Variants in KLHL32 observed in about 807,000 individuals in gnomAD.
The protein encoded by KLHL32 is kelch-like protein 32.
KLHL32 carries 35 observed loss-of-function variants against 64.8 expected under a neutral mutation model. The observed-to-expected ratio is 0.54, with a 90% confidence interval of 0.41 to 0.72. The LOEUF (loss-of-function observed/expected upper bound fraction) is 0.72, where lower values mean the gene tolerates loss of function less well. Ranked by LOEUF, KLHL32 falls within the 30% of genes least tolerant of loss-of-function variation. KLHL32 has a pLI of 0.00. For missense variants in KLHL32, 589 were observed against 768.5 expected, an observed-to-expected ratio of 0.77 and a Z score of 2.76; for synonymous variants, 259 against 281.0, an observed-to-expected ratio of 0.92 and a Z score of 0.78.
At chr6:96,989,643 C>G (rs1179638516) in intron 3 of KLHL32, among the ~76,000 whole-genome samples, 2 of 152,124 alleles carry the variant, frequency 1.3e-5, no homozygotes, top group Non-Finnish European at 2.9e-5. Flanking sequence ...TGAATGTTCA[C>G]CTCTCTAATG....
chr6:97,002,772 A>G (rs990178303), intron 3 of KLHL32, among the ~76,000 whole-genome samples: 1 of 152,200 alleles, frequency 6.6e-6, no homozygotes, highest in Non-Finnish European at 1.5e-5. Context: ...AGTGACCTCC[A>G]GCTCCATCCA....
intron 3 of KLHL32, among the ~76,000 whole-genome samples, chr6:96,983,983 T>G (rs111261091): frequency 0.011 from 1,688 of 152,292 alleles, 41 homozygotes; most frequent in African/African-American, 0.039. Flanking sequence ...GGGTGTCAAT[T>G]TTAGATCTCT....
At chr6:97,120,287 G>A (rs1170936658) in intron 7 of KLHL32, among the ~76,000 whole-genome samples, 2 of 152,144 alleles carry the variant, frequency 1.3e-5, no homozygotes, top group Non-Finnish European at 2.9e-5. Flanking sequence ...ACCTGAGGAG[G>A]TTTCTTGTAG....
chr6:97,024,631 A>C (rs1782468371), intron 3 of KLHL32, among the ~76,000 whole-genome samples: 1 of 152,176 alleles, frequency 6.6e-6, no homozygotes. Flanking sequence ...TTAACATTTC[A>C]GTCATTCATT....
At chr6:97,132,792 C>A in intron 10 of KLHL32, 45 bp downstream of exon 10, 3 of 1,374,076 alleles carry the variant, frequency 2.2e-6, no homozygotes, top group South Asian at 1.2e-5. Context: ...AGTGGTTCAG[C>A]GAGGTTACAT....
At chr6:97,069,199 A>C (rs181411385) in intron 5 of KLHL32, among the ~76,000 whole-genome samples, 1 of 152,246 alleles carries the variant, frequency 6.6e-6, no homozygotes, top group East Asian at 1.9e-4. Flanking sequence ...ACATAAAGGG[A>C]ACAGGAGGGA....
intron 3 of KLHL32, among the ~76,000 whole-genome samples, chr6:96,982,993 T>A (rs1776511967): frequency 6.6e-6 from 1 of 152,272 alleles, no homozygotes; most frequent in Non-Finnish European, 1.5e-5. Context: ...TTTTGCCCAT[T>A]CAGTATGATA....
At chr6:97,068,219 C>T (rs1790126398) in intron 5 of KLHL32, among the ~76,000 whole-genome samples, 1 of 152,096 alleles carries the variant, frequency 6.6e-6, no homozygotes, top group Non-Finnish European at 1.5e-5. Context: ...CTTGCCCAAG[C>T]ATATTATATT....
At chr6:97,032,869 G>A (rs1621471) in intron 3 of KLHL32, among the ~76,000 whole-genome samples, 26,644 of 151,098 alleles carry the variant, frequency 0.18, 2,798 homozygotes, top group African/African-American at 0.3. Flanking sequence ...TTGGAATTTC[G>A]GGTAATCTTC....
chr6:96,965,558 GA>G (rs1372036585), intron 1 of KLHL32, among the ~76,000 whole-genome samples: 2 of 152,158 alleles, frequency 1.3e-5, no homozygotes, highest in African/African-American at 4.8e-5. Context: ...CTTTCAGAAA[GA>G]TTAAGGTGTT....
intron 7 of KLHL32, among the ~76,000 whole-genome samples, chr6:97,115,364 G>A (rs1797704073): frequency 1.3e-5 from 2 of 152,216 alleles, no homozygotes. Flanking sequence ...GTAGTTACTT[G>A]TGCCATTCTA....
chr6:97,105,270 A>G (rs541028651), intron 6 of KLHL32, among the ~76,000 whole-genome samples: 23 of 152,180 alleles, frequency 1.5e-4, no homozygotes, highest in Non-Finnish European at 2.4e-4. Flanking sequence ...TCTGTTTAGA[A>G]AGGAAAAGAT....
chr6:97,006,645 T>C (rs1019149745), intron 3 of KLHL32, among the ~76,000 whole-genome samples: 9 of 152,206 alleles, frequency 5.9e-5, no homozygotes, highest in African/African-American at 1.9e-4. Flanking sequence ...TTTGTTTCCA[T>C]GGTTAGCACT....
At chr6:96,989,644 C>T (rs1471820231) in intron 3 of KLHL32, among the ~76,000 whole-genome samples, 1 of 152,096 alleles carries the variant, frequency 6.6e-6, no homozygotes, top group African/African-American at 2.4e-5. Flanking sequence ...GAATGTTCAC[C>T]TCTCTAATGA....
rs375582825 is a variant in KLHL32 at position 96,977,326 on chromosome 6, G to T, written c.204+1149G>T. ...ACACAGTTCCTAAATGGCAGATCTG[G>T]AATCGAAATCTATGTTTGACTCTTA... On this transcript the variant is annotated intron_variant, in intron 3 of 10. Coordinates refer to ENST00000369261, the MANE Select transcript of KLHL32 (RefSeq NM_052904.4). Among the ~76,000 whole-genome samples, 53 of 152,290 alleles carry T rather than the reference G, an allele frequency of 3.5e-4. No individual in the cohort carries two copies. The South Asian group carries it at 3.9e-3, about 11-fold the overall frequency.
rs558915521 is a variant in KLHL32, at chr6:97,139,849, C to T, written c.*567C>T. On this transcript the variant is annotated 3_prime_UTR_variant, in exon 11 of 11. Coordinates refer to ENST00000369261, the MANE Select transcript of KLHL32 (RefSeq NM_052904.4). Reference sequence around the variant, plus strand: ...ACTGGAACAGCAGTTGTTGAAATACCCAGATTTTTCACCTTGGTTACTCTG... The same window carrying T: ...ACTGGAACAGCAGTTGTTGAAATACTCAGATTTTTCACCTTGGTTACTCTG... The T allele has an allele frequency of 6.6e-5, 10 of 152,028 alleles. No homozygotes were observed. Among genetic ancestry groups the T allele is most frequent in the Non-Finnish European group, 1.5e-4 (10 of 67,956 alleles). The allele number at this position is 152,028 out of a possible 1,614,324, so 9.4% of individuals were successfully genotyped here.
At chr6:97,074,175 A>G (rs1383653481) in intron 5 of KLHL32, among the ~76,000 whole-genome samples, 1 of 152,228 alleles carries the variant, frequency 6.6e-6, no homozygotes, top group Non-Finnish European at 1.5e-5. Context: ...AAACTTGATT[A>G]TGCAAGGAAT....
At chr6:97,046,080 A>T (rs950791591) in intron 4 of KLHL32, among the ~76,000 whole-genome samples, 1 of 152,198 alleles carries the variant, frequency 6.6e-6, no homozygotes, top group African/African-American at 2.4e-5. Flanking sequence ...ACAGAGGCAT[A>T]TGACAGTCTG....
intron 3 of KLHL32, among the ~76,000 whole-genome samples, chr6:96,988,929 G>A (rs1439012400): frequency 2.6e-5 from 4 of 151,110 alleles, no homozygotes; most frequent in Non-Finnish European, 5.9e-5. Context: ...ACAGGAAGGG[G>A]AACATCACAC....
Sources: gnomAD v4.1 joint callset for allele counts (sites outside exome capture counted in the v4.1 genomes callset) on GRCh38, gnomAD v4.1.1 for gene constraint, MANE v1.5 for transcripts, NCBI Gene and HGNC (gene_info 2026-07-23, HGNC 2026-07-21) for gene names.